The following BRWD1 variants were observed in gnomAD, a reference collection of about 807,000 sequenced individuals.
The protein encoded by BRWD1 is bromodomain and WD repeat-containing protein 1.
BRWD1 carries 82 observed loss-of-function variants against 251.2 expected under a neutral mutation model. That is an observed-to-expected ratio of 0.33 (90% confidence interval 0.27 to 0.39). The LOEUF (loss-of-function observed/expected upper bound fraction) is 0.39, where lower values mean the gene tolerates loss of function less well. Ranked by LOEUF, BRWD1 falls within the 10% of genes least tolerant of loss-of-function variation. The pLI, the probability that BRWD1 is intolerant of heterozygous loss-of-function variation, is 1.00. For synonymous variants in BRWD1, 918 were observed against 902.8 expected, an observed-to-expected ratio of 1.02 and a Z score of -0.30; for missense variants, 2,233 against 2,711.6, an observed-to-expected ratio of 0.82 and a Z score of 3.92.
intron 4 of BRWD1, among the ~76,000 whole-genome samples, chr21:39,302,376 A>G (rs1243545392): frequency 6.6e-6 from 1 of 152,232 alleles, no homozygotes; most frequent in African/African-American, 2.4e-5. Context: ...AAAAAATTTA[A>G]AATACCAGAA....
At position 39,232,185 on chromosome 21, in the gene BRWD1, C is replaced by G; in HGVS notation, c.2992G>C (p.Asp998His). 1 of 1,602,640 alleles carries G rather than the reference C, an allele frequency of 6.2e-7. No individual in the cohort carries two copies. ...TAATGCCATCATCCTACCCTAAGAT[C>G]CATTTTTCTCCATGGCTCCTTATTA... ...NPNKEPWRKM[D>H]LRDQELVKIV... Residue 998 changes from aspartate to histidine, a missense_variant, in exon 25 of 41, where the codon GAT becomes CAT. Physicochemically the swap from Asp to His is moderately conservative, Grantham distance 81 (BLOSUM62 -1). Around this residue, in one of 12 missense-constraint regions of BRWD1, gnomAD observed 139 missense variants for 272.8 expected, o/e 0.51. Transcript: ENST00000342449.
Position 39,313,592 on chromosome 21 carries a change from C to G in BRWD1, c.-101G>C, listed in dbSNP as rs1423161817. The G allele has an allele frequency of 3.6e-6, 1 of 275,032 alleles. No individual in the cohort carries two copies. The highest frequency in any genetic ancestry group is 4.9e-6 in the Non-Finnish European group (1 of 202,352). 17.0% of individuals were successfully genotyped at this position (275,032 alleles called of 1,614,324 possible). ...GGCGTCCCCTCTTCTCAGGCGCGCG[C>G]CGCCGCCGCCGCCGCCGCCGCCATA... On this transcript the variant is annotated 5_prime_UTR_variant, in exon 1 of 41. Transcript: ENST00000342449.
intron 8 of BRWD1, among the ~76,000 whole-genome samples, chr21:39,282,959 C>CAA (rs71269097): frequency 0.024 from 2,154 of 88,798 alleles, 41 homozygotes; most frequent in African/African-American, 0.067. Context: ...AACTCCGTCA[C>CAA]AAAAAAAAAA....
intron 21 of BRWD1, among the ~76,000 whole-genome samples, chr21:39,246,820 C>G (rs574439084): frequency 6.6e-6 from 1 of 152,154 alleles, no homozygotes; most frequent in Non-Finnish European, 1.5e-5. Flanking sequence ...TGGTGGCTCA[C>G]GCCTGTAATC....
intron 8 of BRWD1, 33 bp from the exon 9 acceptor site, chr21:39,280,281 A>G (rs767382438): frequency 1.3e-6 from 2 of 1,505,028 alleles, no homozygotes; most frequent in Non-Finnish European, 1.8e-6. Flanking sequence ...TTCAGTTTCC[A>G]GAACTTCTAC....
In BRWD1 at chr21:39,298,531, G is replaced by A. The variant is rs148989363; in HGVS notation, c.250C>T (p.Arg84Cys). Reference sequence around the variant, plus strand: ...TCTTTATCCAACATAGGACCGATGCGCTGGCAGATTTGCAAAAGATGATCA... The same window carrying A: ...TCTTTATCCAACATAGGACCGATGCACTGGCAGATTTGCAAAAGATGATCA... ...APDHLLQICQ[R>C]IGPMLDKEIP... is the part of the protein sequence containing the mutation. The change falls in exon 5 of 41, where the codon CGC becomes TGC. Residue 84 changes from arginine to cysteine, a missense_variant. Arg to Cys is a radical substitution (Grantham distance 180). Around this residue, in one of 12 missense-constraint regions of BRWD1, gnomAD observed 185 missense variants for 260.6 expected, o/e 0.71. Coordinates refer to ENST00000342449, the MANE Select transcript of BRWD1 (RefSeq NM_033656.4). 1.5e-5 allele frequency: 24 copies of A among 1,608,884 alleles called. No individual in the cohort carries two copies. The highest frequency in any genetic ancestry group is 2.2e-5 in the East Asian group (1 of 44,562).
At position 39,313,620 on chromosome 21, in the gene BRWD1, G is replaced by T. The variant is rs1419704347; in HGVS notation, c.-129C>A. On this transcript the variant is annotated 5_prime_UTR_variant, in exon 1 of 41. Transcript: ENST00000342449. ...CCGCCGCCGCCGCCGCCGCCATACC[G>T]TGCGCGCCGCCTGGACCGACGCCTC... The T allele has an allele frequency of 1.4e-6, 1 of 703,726 alleles. No homozygotes were observed. Among genetic ancestry groups the T allele is most frequent in the Non-Finnish European group, 2.0e-6 (1 of 510,918 alleles). The allele number at this position is 703,726 out of a possible 1,614,324, so 43.6% of individuals were successfully genotyped here. A position where few individuals can be genotyped will look rare whatever the true frequency, so the allele number is the denominator to read the frequency against.
At chr21:39,272,303 A>C (rs1206106703) in intron 13 of BRWD1, among the ~76,000 whole-genome samples, 1 of 125,062 alleles carries the variant, frequency 8.0e-6, no homozygotes, top group Non-Finnish European at 1.7e-5. Flanking sequence ...CTAAAACTTA[A>C]ATAAATAAAA....
Position 39,264,690 on chromosome 21 carries a change from A to G in BRWD1, c.1660-5T>C. The G allele has an allele frequency of 6.3e-7, 1 of 1,587,032 alleles. No individual in the cohort carries two copies. Among genetic ancestry groups the G allele is most frequent in the South Asian group, 1.1e-5 (1 of 88,324 alleles). On this transcript the variant is annotated splice_region_variant and splice_polypyrimidine_tract_variant and intron_variant, in intron 16 of 40. Coordinates refer to ENST00000342449, the MANE Select transcript of BRWD1 (RefSeq NM_033656.4). The stretch of plus-strand genomic sequence containing the variant: ...GAAGAACATCTGATCAGGAATCTAG[A>G]AAAATGAAGTTCACAGGATGACATT...
Position 39,191,127 on chromosome 21 carries a change from G to GA in BRWD1, c.*5131dup. ...GAGCATTTCACACTAAATGCAGGCAGAATCAGAAGTAAATACTTGTTTTCA... is the reference window on the plus strand; with the variant it reads ...GAGCATTTCACACTAAATGCAGGCAGAAATCAGAAGTAAATACTTGTTTTCA... On this transcript the variant is annotated 3_prime_UTR_variant, in exon 41 of 41. Transcript: ENST00000342449. 1 of 985,314 alleles carries GA rather than the reference G, an allele frequency of 1.0e-6. No individual in the cohort carries two copies. The highest frequency in any genetic ancestry group is 1.2e-6 in the Non-Finnish European group (1 of 829,882). 61.0% of individuals were successfully genotyped at this position (985,314 alleles called of 1,614,324 possible). A position where few individuals can be genotyped will look rare whatever the true frequency, so the allele number is the denominator to read the frequency against.
Position 39,218,665 on chromosome 21 carries a change from G to C in BRWD1, c.3383-5C>G, listed in dbSNP as rs1356270461. 1 of 1,576,456 alleles carries C rather than the reference G, an allele frequency of 6.3e-7. No individual in the cohort carries two copies. The highest frequency in any genetic ancestry group is 2.3e-5 in the East Asian group (1 of 44,152). ...CTAATTCTTCAGGTGGATCAACTAT[G>C]AATACCATAAAAAACAATGAGAGGA... is the stretch of plus-strand genomic sequence containing the variant. On this transcript the variant is annotated splice_region_variant and splice_polypyrimidine_tract_variant and intron_variant, in intron 29 of 40. Coordinates refer to ENST00000342449, the MANE Select transcript of BRWD1 (RefSeq NM_033656.4).
intron 4 of BRWD1, among the ~76,000 whole-genome samples, chr21:39,301,930 T>C (rs2036126882): frequency 1.4e-5 from 2 of 146,372 alleles, no homozygotes; most frequent in South Asian, 4.3e-4. Context: ...CAGAATTCCA[T>C]AGCTACTGAA....
chr21:39,317,074 A>G (rs1225178348), upstream of BRWD1: 1 of 152,240 alleles, frequency 6.6e-6, no homozygotes, highest in African/African-American at 2.4e-5. Flanking sequence ...GAGAGAGAAT[A>G]TCTTCCCGAT....
chr21:39,293,349 C>T (rs931525598), intron 8 of BRWD1, among the ~76,000 whole-genome samples: 2 of 151,750 alleles, frequency 1.3e-5, no homozygotes, highest in African/African-American at 4.8e-5. Flanking sequence ...AAAAATTAGC[C>T]GGGTGTGGTG....
At chr21:39,219,790 C>T (rs2033100072) in intron 29 of BRWD1, 1 of 152,164 alleles carries the variant, frequency 6.6e-6, no homozygotes, top group East Asian at 1.9e-4. Flanking sequence ...ATTTTTTAAA[C>T]ATGGATGATA....
chr21:39,255,312 T>C (rs1010114100), intron 19 of BRWD1, among the ~76,000 whole-genome samples: 1 of 151,822 alleles, frequency 6.6e-6, no homozygotes, highest in African/African-American at 2.4e-5. Flanking sequence ...CTCAGGAGGC[T>C]GAGGCAGGAG....
chr21:39,264,680 A>C lies in BRWD1; in HGVS notation c.1665T>G (p.Pro555=). 1.9e-6 allele frequency: 3 copies of C among 1,597,522 alleles called. No individual in the cohort carries two copies. Among genetic ancestry groups the C allele is most frequent in the South Asian group, 1.1e-5 (1 of 88,970 alleles). Residue 555 remains proline, a synonymous_variant, in exon 17 of 41, where the codon CCT becomes CCG. Transcript: ENST00000342449. ...AGTCAGTATGGAAGAACATCTGATCAGGAATCTAGAAAAATGAAGTTCACA... is the reference window on the plus strand; with the variant it reads ...AGTCAGTATGGAAGAACATCTGATCCGGAATCTAGAAAAATGAAGTTCACA... The part of the protein sequence containing the change: ...FGCSKPYEKI[P]DQMFFHTDYR...
At chr21:39,228,417 T>C (rs2033470918) in intron 27 of BRWD1, 83 bp downstream of exon 27, 1 of 881,296 alleles carries the variant, frequency 1.1e-6, no homozygotes, top group Non-Finnish European at 1.8e-6. Context: ...ATACTATAAT[T>C]AAGAGTCCCA....
intron 1 of BRWD1, among the ~76,000 whole-genome samples, chr21:39,320,067 C>T (rs1048136956): frequency 2.0e-5 from 3 of 152,196 alleles, no homozygotes; most frequent in African/African-American, 7.2e-5. Context: ...CCCTGCTCCA[C>T]ACCCAGGAAA....
Sources: allele counts gnomAD v4.1 joint callset (sites outside exome capture counted in the v4.1 genomes callset), GRCh38; gene constraint gnomAD v4.1.1; regional missense constraint gnomAD v4.1.1; transcripts MANE v1.5; gene names NCBI Gene and HGNC (gene_info 2026-07-23, HGNC 2026-07-21).